Variants in MYBPC1 observed in about 807,000 individuals in gnomAD.
MYBPC1 encodes the protein myosin-binding protein C, slow-type.
MYBPC1 carries 52 observed loss-of-function variants against 147.1 expected under a neutral mutation model. The observed-to-expected ratio is 0.35, with a 90% CI of 0.28 to 0.45. MYBPC1 has a LOEUF of 0.45. Among genes scored for constraint, MYBPC1 ranks in the 20% least tolerant of loss-of-function variants. The pLI, the probability that MYBPC1 is intolerant of heterozygous loss-of-function variation, is 1.00. For missense variants in MYBPC1, 1,228 were observed against 1,440.3 expected (o/e 0.85, Z 2.39); for synonymous variants, 477 against 475.9 (o/e 1.00, Z -0.03).
chr12:101,597,734 A>C (rs1199917302), intron 1 of MYBPC1, among the ~76,000 whole-genome samples: 1 of 152,216 alleles, frequency 6.6e-6, no homozygotes, highest in Non-Finnish European at 1.5e-5. Context: ...TTCTACCATC[A>C]TCAATTGTAT....
chr12:101,622,271 G>A (rs1887605830), intron 3 of MYBPC1, among the ~76,000 whole-genome samples: 2 of 152,186 alleles, frequency 1.3e-5, no homozygotes, highest in South Asian at 4.1e-4. Context: ...TTACCTCCTA[G>A]CAATAGAACC....
At chr12:101,677,887 G>T (rs921044326) in intron 27 of MYBPC1, among the ~76,000 whole-genome samples, 4 of 152,076 alleles carry the variant, frequency 2.6e-5, no homozygotes, top group Non-Finnish European at 4.4e-5. Context: ...TCAATATCTG[G>T]TTCAGTTTCA....
At chr12:101,685,089 T>C (rs938059282) in intron 31 of MYBPC1, among the ~76,000 whole-genome samples, 1 of 152,236 alleles carries the variant, frequency 6.6e-6, no homozygotes, top group Non-Finnish European at 1.5e-5. Context: ...GCTTTTGACA[T>C]GCATAAATGA....
intron 29 of MYBPC1, 131 bp downstream of exon 29, chr12:101,680,660 G>A: frequency 1.8e-6 from 2 of 1,102,610 alleles, no homozygotes; most frequent in South Asian, 1.3e-5. Flanking sequence ...AGGGTGGTGA[G>A]GGCAAGGGAA....
intron 8 of MYBPC1, among the ~76,000 whole-genome samples, chr12:101,633,743 G>T (rs933125109): frequency 6.6e-6 from 1 of 151,930 alleles, no homozygotes; most frequent in Admixed American, 6.5e-5. Flanking sequence ...AGCCCAGGAA[G>T]GTTGTGAGAG....
chr12:101,653,356 A>G (rs1593920782), intron 18 of MYBPC1, 108 bp downstream of exon 18: 2 of 1,398,400 alleles, frequency 1.4e-6, no homozygotes, highest in East Asian at 4.8e-5. Flanking sequence ...AAACAAATAA[A>G]TGTACAGCAG....
intron 25 of MYBPC1, 42 bp downstream of exon 25, chr12:101,673,664 T>A: frequency 1.2e-6 from 2 of 1,602,850 alleles, no homozygotes; most frequent in East Asian, 2.2e-5. Context: ...GTCAAAGCAG[T>A]ACAGGGATGA....
rs369852053 is a variant in MYBPC1, at chr12:101,682,633, C to A, written c.3463C>A (p.Gln1155Lys). ...VIYQGVNTPG[Q>K]PVFLEGQQQS... ...ATATCAAGGAGTAAATACCCCTGGA[C>A]AACCAGTCTTCCTGGAGGGGCAGCA... The change falls in exon 30 of 32, where the codon CAA becomes AAA. Residue 1155 changes from glutamine (Q) to lysine (K), a missense_variant. This residue lies in a region of MYBPC1 where 1,077 missense variants were observed against 1,314.2 expected (regional missense o/e 0.82). Transcript: ENST00000361466. 1.2e-5 allele frequency: 20 copies of A among 1,613,156 alleles called. 1 individual carries two copies. Among genetic ancestry groups the A allele is most frequent in the Non-Finnish European group, 1.6e-5 (19 of 1,179,282 alleles).
At chr12:101,678,486 C>G (rs1900581675) in intron 28 of MYBPC1, among the ~76,000 whole-genome samples, 1 of 152,134 alleles carries the variant, frequency 6.6e-6, no homozygotes, top group African/African-American at 2.4e-5. Context: ...AGAACATCTC[C>G]TGTGTAAGGA....
intron 1 of MYBPC1, among the ~76,000 whole-genome samples, 157 bp from the exon 2 acceptor site, chr12:101,614,339 A>C (rs1174975376): frequency 6.6e-6 from 1 of 152,108 alleles, no homozygotes; most frequent in Non-Finnish European, 1.5e-5. Flanking sequence ...AGAGAGAGAG[A>C]GAGAGAGAAG....
rs142040654 is a variant in MYBPC1 at position 101,619,135 on chromosome 12, G to A, written c.103+1892G>A. ...CCCAGTTGAGAAAGGAGCCCTGCAC[G>A]AGCATAAACAGGATTGATGGGTGCA... On this transcript the variant is annotated intron_variant, in intron 3 of 31. Coordinates refer to ENST00000361466, the MANE Select transcript of MYBPC1 (RefSeq NM_002465.4). Among the ~76,000 whole-genome samples, 612 of 152,128 alleles carry A rather than the reference G, an allele frequency of 4.0e-3. 6 individuals are homozygous for A. Among genetic ancestry groups the A allele is most frequent in the African/African-American group, 0.014 (591 of 41,488 alleles).
chr12:101,653,473 A>C (rs771794259), intron 18 of MYBPC1, among the ~76,000 whole-genome samples: 1 of 132,166 alleles, frequency 7.6e-6, no homozygotes, highest in Non-Finnish European at 1.7e-5. Context: ...GTAGCAAAGC[A>C]TGTTTTGATG....
intron 2 of MYBPC1, among the ~76,000 whole-genome samples, chr12:101,616,738 A>C (rs943358862): frequency 6.6e-6 from 1 of 152,212 alleles, no homozygotes; most frequent in Non-Finnish European, 1.5e-5. Flanking sequence ...TCTTTGAAGC[A>C]ACATACACTG....
chr12:101,649,447 T>C (rs759061759), intron 15 of MYBPC1, 21 bp downstream of exon 15: 35 of 1,611,106 alleles, frequency 2.2e-5, no homozygotes, highest in Non-Finnish European at 3.0e-5. Context: ...CTTCTTTAGA[T>C]GTCTTCTCAG....
rs527851057 is a variant in MYBPC1 at position 101,667,722 on chromosome 12, C to T, written c.2357-10C>T. On this transcript the variant is annotated splice_polypyrimidine_tract_variant and intron_variant, in intron 22 of 31. Coordinates refer to ENST00000361466, the MANE Select transcript of MYBPC1 (RefSeq NM_002465.4). ...TCCTCCTTCTTTTCCTTTTCTTTTA[C>T]GGACTTCAGCTGAGGACTGGATAGT... 12 of 1,613,962 alleles carry T rather than the reference C, an allele frequency of 7.4e-6. No homozygotes were observed. Among genetic ancestry groups the T allele is most frequent in the Admixed American group, 5.0e-5 (3 of 60,002 alleles).
At chr12:101,638,446 G>A (rs1400823453) in intron 10 of MYBPC1, among the ~76,000 whole-genome samples, 6 of 152,118 alleles carry the variant, frequency 3.9e-5, no homozygotes, top group African/African-American at 1.4e-4. Flanking sequence ...TTTCACATCT[G>A]GAAATGTGAA....
intron 3 of MYBPC1, among the ~76,000 whole-genome samples, chr12:101,619,510 G>A (rs1049851628): frequency 6.6e-6 from 1 of 152,208 alleles, no homozygotes; most frequent in Admixed American, 6.5e-5. Flanking sequence ...CAAAATGAAT[G>A]AGCAGTTGAA....
In MYBPC1 at chr12:101,627,754, A is replaced by G. The variant is rs1482107990; in HGVS notation, c.143-15A>G. On this transcript the variant is annotated splice_polypyrimidine_tract_variant and intron_variant, in intron 4 of 31. Coordinates refer to ENST00000361466, the MANE Select transcript of MYBPC1 (RefSeq NM_002465.4). ...TCCACCCCTCTGCATCACCCAAATC[A>G]CACTTTCCTTTCAGGTTTGGGTAGT... The G allele has an allele frequency of 6.2e-7, 1 of 1,613,562 alleles. No homozygotes were observed. Among genetic ancestry groups the G allele is most frequent in the Non-Finnish European group, 8.5e-7 (1 of 1,179,644 alleles).
At chr12:101,673,992 G>A (rs1399514996) in intron 25 of MYBPC1, among the ~76,000 whole-genome samples, 4 of 152,156 alleles carry the variant, frequency 2.6e-5, no homozygotes, top group Non-Finnish European at 5.9e-5. Flanking sequence ...GGTGGAAGTT[G>A]CAGTGAGCTG....
Sources: gnomAD v4.1 joint callset for allele counts (sites outside exome capture counted in the v4.1 genomes callset) on GRCh38, gnomAD v4.1.1 for gene constraint, gnomAD v4.1.1 regional missense constraint, MANE v1.5 for transcripts, NCBI Gene and HGNC (gene_info 2026-07-23, HGNC 2026-07-21) for gene names.